SLC9C1: variants seen among roughly 807,000 people sequenced by gnomAD.
SLC9C1 encodes sodium/hydrogen exchanger 10.
In SLC9C1, 97 loss-of-function variants were observed where a neutral mutation model predicts 140.9. The ratio of observed to expected loss-of-function variants is 0.69; its 90% CI spans 0.58 to 0.82. SLC9C1 has a LOEUF of 0.82. Among genes scored for constraint, SLC9C1 ranks in the 40% least tolerant of loss-of-function variants. The probability of loss-of-function intolerance (pLI) is 0.00; values close to 1 mark genes in which losing one functional copy is unlikely to be tolerated. For synonymous variants in SLC9C1, 440 were observed against 442.6 expected, an observed-to-expected ratio of 0.99 and a Z score of 0.07; for missense variants, 1,340 against 1,389.3, an observed-to-expected ratio of 0.96 and a Z score of 0.56.
intron 23 of SLC9C1, among the ~76,000 whole-genome samples, chr3:112,179,205 G>T (rs886232791): frequency 3.3e-5 from 5 of 151,724 alleles, no homozygotes; most frequent in Admixed American, 6.6e-5. Context: ...ATAGATTCTA[G>T]CCCTGTCTTT....
chr3:112,207,762 A>G (rs1339441624), intron 16 of SLC9C1, among the ~76,000 whole-genome samples: 2 of 152,264 alleles, frequency 1.3e-5, no homozygotes, highest in Non-Finnish European at 1.5e-5. Flanking sequence ...CGACCCTACT[A>G]TTCTGCATAA....
intron 12 of SLC9C1, among the ~76,000 whole-genome samples, chr3:112,239,471 C>T (rs944643407): frequency 2.0e-5 from 3 of 152,246 alleles, no homozygotes; most frequent in Admixed American, 6.5e-5. Flanking sequence ...CCTGCATCCA[C>T]TGTCTGACAA....
Position 112,244,063 on chromosome 3 carries a change from C to T in SLC9C1, c.1211G>A (p.Gly404Glu). The change falls in exon 11 of 29, where the codon GGA becomes GAA. Residue 404 changes from glycine (G) to glutamate (E), a missense_variant. Coordinates refer to ENST00000305815, the MANE Select transcript of SLC9C1 (RefSeq NM_183061.3). ...DKEKSQILFH[G>E]VLVCLITLVV... is the part of the protein sequence containing the mutation. ...AAGGGTTATTAGGCATACTAACACT[C>T]CATGAAATAATATCTAGAATTGAAA... 6.3e-7 allele frequency: 1 copy of T among 1,595,624 alleles called. No homozygotes were observed. Among genetic ancestry groups the T allele is most frequent in the Non-Finnish European group, 8.5e-7 (1 of 1,170,236 alleles).
chr3:112,161,592 G>A (rs201423722), intron 26 of SLC9C1, among the ~76,000 whole-genome samples: 7,214 of 151,796 alleles, frequency 0.048, 418 homozygotes, highest in East Asian at 0.27. Context: ...GATATGTGGC[G>A]TTATTTCTGA....
chr3:112,210,472 G>A (rs942364810), intron 15 of SLC9C1, among the ~76,000 whole-genome samples: 5 of 152,164 alleles, frequency 3.3e-5, no homozygotes, highest in African/African-American at 1.2e-4. Context: ...TCATTTATGT[G>A]AAACATTTGA....
chr3:112,226,728 TCC>T (rs56038705), intron 13 of SLC9C1, among the ~76,000 whole-genome samples: 114,643 of 151,768 alleles, frequency 0.76, 43,739 homozygotes, highest in East Asian at 0.99. Flanking sequence ...TCCCCCCCCA[TCC>T]CCCCACACAC....
intron 27 of SLC9C1, among the ~76,000 whole-genome samples, chr3:112,153,358 TAAAA>T (rs10575877): frequency 3.4e-5 from 5 of 148,226 alleles, no homozygotes; most frequent in Admixed American, 6.7e-5. Flanking sequence ...GCAGCATTGT[TAAAA>T]AAAAAAAAAA....
chr3:112,196,386 C>T (rs570697407), intron 20 of SLC9C1, among the ~76,000 whole-genome samples: 15 of 152,126 alleles, frequency 9.9e-5, no homozygotes, highest in African/African-American at 3.4e-4. Flanking sequence ...GTTCATCCTA[C>T]TTGGAATTTG....
At position 112,151,394 on chromosome 3, in the gene SLC9C1, A is replaced by T. The variant is rs188309602; in HGVS notation, c.3524+463T>A. 1.3e-3 allele frequency: 678 copies of T among 518,930 alleles called. 4 individuals are homozygous for T. Among genetic ancestry groups the T allele is most frequent in the African/African-American group, 0.012 (618 of 52,050 alleles). 32.1% of individuals were successfully genotyped at this position (518,930 alleles called of 1,614,324 possible). On this transcript the variant is annotated intron_variant, in intron 28 of 28. Coordinates refer to ENST00000305815, the MANE Select transcript of SLC9C1 (RefSeq NM_183061.3). ...ACTTTGCTCATTCTCACAGCCAGCCATTTCTCTCTTGAATTCCTTTAACTT... is the reference window on the plus strand; with the variant it reads ...ACTTTGCTCATTCTCACAGCCAGCCTTTTCTCTCTTGAATTCCTTTAACTT...
chr3:112,229,635 A>ATGTG (rs2078769732), intron 13 of SLC9C1, among the ~76,000 whole-genome samples: 1 of 151,762 alleles, frequency 6.6e-6, no homozygotes, highest in South Asian at 2.1e-4. Flanking sequence ...GTGTGCGTGT[A>ATGTG]TGTGTGTGTG....
At chr3:112,237,877 G>A (rs2079034245) in intron 12 of SLC9C1, among the ~76,000 whole-genome samples, 1 of 152,096 alleles carries the variant, frequency 6.6e-6, no homozygotes, top group South Asian at 2.1e-4. Context: ...TTTCTCTCTG[G>A]CTGCCCTTAA....
At chr3:112,224,945 T>C (rs774350093) in intron 13 of SLC9C1, among the ~76,000 whole-genome samples, 3 of 151,136 alleles carry the variant, frequency 2.0e-5, no homozygotes, top group Non-Finnish European at 3.0e-5. Context: ...GGAGAAGAGA[T>C]GGGAAAAGGC....
In SLC9C1 at chr3:112,262,990, A is replaced by T. The variant is rs143746495; in HGVS notation, c.1131T>A (p.Asn377Lys). The change falls in exon 10 of 29, where the codon AAT becomes AAA. Residue 377 changes from asparagine to lysine, a missense_variant. Transcript: ENST00000305815. ...AGGCAAGCAGAAGGGCCATGTTTAT[A>T]TTAGGCATCCCCTTCATTTCACTAC... ...MVCSEMKGMP[N>K]INMALLLAYS... is the part of the protein sequence containing the mutation. 5.6e-6 allele frequency: 9 copies of T among 1,606,680 alleles called. No individual in the cohort carries two copies. The highest frequency in any genetic ancestry group is 6.8e-6 in the Non-Finnish European group (8 of 1,177,082).
chr3:112,166,082 T>C (rs765596871), intron 26 of SLC9C1, among the ~76,000 whole-genome samples: 1 of 152,196 alleles, frequency 6.6e-6, no homozygotes, highest in Non-Finnish European at 1.5e-5. Flanking sequence ...GCGCTGGATA[T>C]AATCTCCTGG....
At chr3:112,227,874 C>G (rs1291664354) in intron 13 of SLC9C1, among the ~76,000 whole-genome samples, 1 of 151,962 alleles carries the variant, frequency 6.6e-6, no homozygotes, top group Non-Finnish European at 1.5e-5. Flanking sequence ...AAGACCTCTA[C>G]AATGAAAACT....
chr3:112,289,073 C>A (rs190611353), intron 1 of SLC9C1, among the ~76,000 whole-genome samples: 157 of 152,244 alleles, frequency 1.0e-3, no homozygotes, highest in African/African-American at 3.6e-3. Flanking sequence ...CCACTGTGAT[C>A]CGCTCAATTC....
In SLC9C1 at chr3:112,155,055, T is replaced by TAAAA. The variant is rs11369523; in HGVS notation, c.3365-10_3365-7dup. On this transcript the variant is annotated splice_polypyrimidine_tract_variant and splice_region_variant and intron_variant, in intron 26 of 28. Transcript: ENST00000305815. ...TTCCAATGTTCCAACTGAACCTGAT[T>TAAAA]AAAAAAAAAAAAAACAGTGTTAATT... The TAAAA allele has an allele frequency of 9.4e-5, 133 of 1,411,980 alleles. No homozygotes were observed. The highest frequency in any genetic ancestry group is 4.4e-4 in the South Asian group (34 of 76,762). 87.5% of individuals were successfully genotyped at this position (1,411,980 alleles called of 1,614,324 possible). A position where few individuals can be genotyped will look rare whatever the true frequency, so the allele number is the denominator to read the frequency against.
intron 22 of SLC9C1, 47 bp downstream of exon 22, chr3:112,180,517 C>CT: frequency 6.7e-7 from 1 of 1,493,950 alleles, no homozygotes; most frequent in South Asian, 1.2e-5. Context: ...GAGAGAAACT[C>CT]TGTCTCAAAA....
At chr3:112,189,784 C>T (rs1418571654) in intron 20 of SLC9C1, among the ~76,000 whole-genome samples, 3 of 152,096 alleles carry the variant, frequency 2.0e-5, no homozygotes, top group South Asian at 2.1e-4. Context: ...TTATTGGTAG[C>T]TTGATGGGCA....
Sources: gnomAD v4.1 joint callset for allele counts (sites outside exome capture counted in the v4.1 genomes callset) on GRCh38, gnomAD v4.1.1 for gene constraint, MANE v1.5 for transcripts, NCBI Gene and HGNC (gene_info 2026-07-23, HGNC 2026-07-21) for gene names.